DDX10: variants seen among roughly 807,000 people sequenced by gnomAD.
The protein encoded by DDX10 is DEAD-box helicase 10.
DDX10 carries 74 observed loss-of-function variants against 104.3 expected under a neutral mutation model. That is an observed-to-expected ratio of 0.71 (90% CI 0.59 to 0.86). DDX10 has a LOEUF of 0.86. DDX10 is among the 40% of genes least tolerant of loss of function. The probability of loss-of-function intolerance (pLI) is 0.00; values close to 1 mark genes in which losing one functional copy is unlikely to be tolerated. For synonymous variants in DDX10, 351 were observed against 353.4 expected (o/e 0.99, Z 0.08); for missense variants, 952 against 1,040.0 (o/e 0.92, Z 1.16).
At chr11:108,700,622 T>G (rs778940971) in intron 9 of DDX10, among the ~76,000 whole-genome samples, 1 of 152,202 alleles carries the variant, frequency 6.6e-6, no homozygotes, top group Non-Finnish European at 1.5e-5. Context: ...CTAGGAGAGA[T>G]AGACATCCTG....
intron 16 of DDX10, among the ~76,000 whole-genome samples, chr11:108,853,889 A>G (rs748776421): frequency 6.6e-6 from 1 of 152,232 alleles, no homozygotes. Flanking sequence ...AAGAACAGAA[A>G]GAAGAGCTGA....
At chr11:108,932,935 A>G (rs60194914) in intron 17 of DDX10, among the ~76,000 whole-genome samples, 4,943 of 152,054 alleles carry the variant, frequency 0.033, 353 homozygotes, top group African/African-American at 0.11. Context: ...TCCTACTGTT[A>G]CTGCATGTCT....
At chr11:108,831,411 G>C (rs534122542) in intron 13 of DDX10, among the ~76,000 whole-genome samples, 2 of 111,978 alleles carry the variant, frequency 1.8e-5, no homozygotes, top group Non-Finnish European at 3.4e-5. Context: ...GTGACAGAGC[G>C]AGACTGTCTC....
intron 13 of DDX10, among the ~76,000 whole-genome samples, chr11:108,737,733 A>G (rs769043160): frequency 3.9e-5 from 6 of 152,182 alleles, no homozygotes; most frequent in East Asian, 1.9e-4. Flanking sequence ...CTGTTGGTCT[A>G]TTCTCTCTCC....
intron 17 of DDX10, among the ~76,000 whole-genome samples, chr11:108,939,905 G>C (rs1591134110): frequency 6.6e-6 from 1 of 152,298 alleles, no homozygotes; most frequent in East Asian, 1.9e-4. Context: ...TTTCAGTAGA[G>C]GTAGTTTGGT....
chr11:108,688,762 T>C (rs2134448273), intron 6 of DDX10, among the ~76,000 whole-genome samples, 174 bp from the exon 7 acceptor site: 1 of 152,354 alleles, frequency 6.6e-6, no homozygotes, highest in South Asian at 2.1e-4. Flanking sequence ...TTTAAAGTAA[T>C]GTGTTGAATT....
intron 16 of DDX10, among the ~76,000 whole-genome samples, chr11:108,875,181 T>C (rs1383016371): frequency 6.6e-6 from 1 of 152,224 alleles, no homozygotes; most frequent in Non-Finnish European, 1.5e-5. Flanking sequence ...GACATTTTAA[T>C]TCTGATTTAA....
chr11:108,710,567 CT>C (rs2094283009), intron 10 of DDX10, among the ~76,000 whole-genome samples: 1 of 152,064 alleles, frequency 6.6e-6, no homozygotes, highest in Non-Finnish European at 1.5e-5. Context: ...ATGCATGGAG[CT>C]GTCATCATTT....
intron 16 of DDX10, among the ~76,000 whole-genome samples, chr11:108,870,435 T>G (rs956746394): frequency 6.6e-6 from 1 of 152,230 alleles, no homozygotes; most frequent in Admixed American, 6.5e-5. Flanking sequence ...AAAGTTCACA[T>G]GTGATCTAGC....
At chr11:108,712,093 C>T (rs993116977) in intron 10 of DDX10, among the ~76,000 whole-genome samples, 1 of 152,134 alleles carries the variant, frequency 6.6e-6, no homozygotes, top group African/African-American at 2.4e-5. Context: ...TGGAAGTCTG[C>T]TCTGTCTGAC....
Position 108,732,319 on chromosome 11 carries a change from G to A in DDX10, c.1965+8857G>A, listed in dbSNP as rs562032982. 7.2e-5 allele frequency among the ~76,000 whole-genome samples: 11 copies of A among 152,290 alleles called. No individual in the cohort carries two copies. In the East Asian group the frequency reaches 2.1e-3, roughly 29 times the overall value. Reference sequence around the variant, plus strand: ...GTCCAAGGTCACAGTGGTGAAGTTAGCAGTTAAACCTATTTGTGATGCTAA... The same window carrying A: ...GTCCAAGGTCACAGTGGTGAAGTTAACAGTTAAACCTATTTGTGATGCTAA... On this transcript the variant is annotated intron_variant, in intron 13 of 17. Transcript: ENST00000322536.
At chr11:108,768,490 G>A (rs2094358985) in intron 13 of DDX10, among the ~76,000 whole-genome samples, 1 of 152,196 alleles carries the variant, frequency 6.6e-6, no homozygotes, top group Non-Finnish European at 1.5e-5. Flanking sequence ...GGGAGTTGGT[G>A]AAACAGAAGA....
chr11:108,706,254 G>A (rs1811485213), intron 9 of DDX10, among the ~76,000 whole-genome samples: 4 of 152,128 alleles, frequency 2.6e-5, no homozygotes, highest in Admixed American at 2.0e-4. Context: ...TTACATGCAT[G>A]AGCCACCGCA....
intron 16 of DDX10, among the ~76,000 whole-genome samples, chr11:108,878,124 A>G (rs1863177158): frequency 6.6e-6 from 1 of 152,224 alleles, no homozygotes; most frequent in South Asian, 2.1e-4. Context: ...TGAATGTTAT[A>G]CAAAGATAGG....
intron 16 of DDX10, among the ~76,000 whole-genome samples, chr11:108,910,763 G>GTC (rs1863660900): frequency 2.1e-5 from 3 of 144,098 alleles, no homozygotes; most frequent in African/African-American, 7.9e-5. Context: ...GTGTGTGTGT[G>GTC]TGTGTGTGTG....
At chr11:108,708,649 C>A (rs1374946429) in intron 10 of DDX10, among the ~76,000 whole-genome samples, 1 of 150,832 alleles carries the variant, frequency 6.6e-6, no homozygotes, top group Non-Finnish European at 1.5e-5. Context: ...CTCACTGGAA[C>A]CTCTACCTCC....
At chr11:108,836,931 T>C (rs887748973) in intron 13 of DDX10, among the ~76,000 whole-genome samples, 16 of 152,258 alleles carry the variant, frequency 1.1e-4, no homozygotes, top group Non-Finnish European at 2.4e-4. Context: ...CTGGTAATTA[T>C]AGATAAATGT....
chr11:108,906,201 A>C (rs890137581), intron 16 of DDX10, among the ~76,000 whole-genome samples: 9 of 152,186 alleles, frequency 5.9e-5, no homozygotes, highest in African/African-American at 2.2e-4. Flanking sequence ...GTGCATTCTA[A>C]CATTGATACT....
At chr11:108,845,939 T>C (rs533590794) in intron 15 of DDX10, among the ~76,000 whole-genome samples, 1 of 152,306 alleles carries the variant, frequency 6.6e-6, no homozygotes, top group Non-Finnish European at 1.5e-5. Flanking sequence ...ATAGTAGGAT[T>C]CAACTACTCA....
Sources: gnomAD v4.1 joint callset for allele counts (sites outside exome capture counted in the v4.1 genomes callset) on GRCh38, gnomAD v4.1.1 for gene constraint, MANE v1.5 for transcripts, NCBI Gene and HGNC (gene_info 2026-07-23, HGNC 2026-07-21) for gene names.